RAB38: variants seen among roughly 807,000 people sequenced by gnomAD.
RAB38 encodes RAB38, member RAS oncogene family, also known as ras-related protein Rab-38.
Under a neutral mutation model 18.4 loss-of-function variants are expected in RAB38, and 15 were observed. The observed-to-expected ratio is 0.82, with a 90% CI of 0.55 to 1.26. The LOEUF is 1.26. Ranked by LOEUF, RAB38 falls within the 50% of genes most tolerant of loss-of-function variation. RAB38 has a pLI of 0.00. For missense variants in RAB38, 294 were observed against 267.4 expected (o/e 1.10, Z -0.69); for synonymous variants, 101 against 104.4 (o/e 0.97, Z 0.20).
At chr11:88,119,561 A>G (rs1942603380) in intron 2 of RAB38, among the ~76,000 whole-genome samples, 1 of 152,070 alleles carries the variant, frequency 6.6e-6, no homozygotes, top group African/African-American at 2.4e-5. Context: ...GAAGGCACAT[A>G]CAACTAACCA....
the RAB38 span, among the ~76,000 whole-genome samples, chr11:87,866,820 G>A: frequency 6.6e-6 from 1 of 151,738 alleles, no homozygotes; most frequent in African/African-American, 2.4e-5. Context: ...TCACAGCAAG[G>A]AGCATTCAAC....
At chr11:87,904,741 C>A in the RAB38 span, among the ~76,000 whole-genome samples, 1 of 151,670 alleles carries the variant, frequency 6.6e-6, no homozygotes, top group Admixed American at 6.6e-5. Flanking sequence ...ATGCCAGCAT[C>A]TGTTGTTTTT....
At chr11:88,020,205 C>G in the RAB38 span, among the ~76,000 whole-genome samples, 1 of 152,012 alleles carries the variant, frequency 6.6e-6, no homozygotes, top group Non-Finnish European at 1.5e-5. Context: ...GATCTCTTGT[C>G]TACAAGAAAC....
chr11:88,031,758 T>A, the RAB38 span, among the ~76,000 whole-genome samples: 56 of 152,210 alleles, frequency 3.7e-4, no homozygotes, highest in African/African-American at 1.3e-3. Flanking sequence ...GAACATTCCA[T>A]GCTCAAGGGT....
At chr11:87,873,703 G>GA in the RAB38 span, among the ~76,000 whole-genome samples, 14 of 150,994 alleles carry the variant, frequency 9.3e-5, no homozygotes, top group Non-Finnish European at 1.8e-4. Flanking sequence ...ACCATTTATG[G>GA]AAAAAAATAT....
the RAB38 span, among the ~76,000 whole-genome samples, chr11:87,858,274 G>A: frequency 2.3e-4 from 35 of 152,164 alleles, no homozygotes; most frequent in African/African-American, 6.5e-4. Context: ...CTACAATGCC[G>A]GGTGGAGCTC....
chr11:88,046,414 G>T, the RAB38 span, among the ~76,000 whole-genome samples: 1 of 151,996 alleles, frequency 6.6e-6, no homozygotes, highest in Non-Finnish European at 1.5e-5. Flanking sequence ...TCCACAACCC[G>T]TTATTCTGTT....
At chr11:87,814,765 G>A in the RAB38 span, among the ~76,000 whole-genome samples, 9 of 148,866 alleles carry the variant, frequency 6.0e-5, no homozygotes, top group Non-Finnish European at 8.9e-5. Context: ...ACAGAGTCTC[G>A]CTCTTTCACT....
the RAB38 span, among the ~76,000 whole-genome samples, chr11:88,070,495 G>A: frequency 6.6e-6 from 1 of 152,208 alleles, no homozygotes; most frequent in Non-Finnish European, 1.5e-5. Context: ...TCAGGAAGCA[G>A]AATGAGTCTA....
the RAB38 span, among the ~76,000 whole-genome samples, chr11:87,866,792 G>A: frequency 1.4e-4 from 21 of 151,760 alleles, no homozygotes; most frequent in Non-Finnish European, 2.4e-4. Context: ...ACTTCGACAT[G>A]CCCAGAATGG....
the RAB38 span, among the ~76,000 whole-genome samples, chr11:88,046,659 G>T: frequency 6.6e-6 from 1 of 152,114 alleles, no homozygotes; most frequent in Non-Finnish European, 1.5e-5. Context: ...CCTGCAGATC[G>T]TGTCTGACTG....
chr11:88,081,580 A>G, the RAB38 span, among the ~76,000 whole-genome samples: 2 of 151,892 alleles, frequency 1.3e-5, no homozygotes, highest in African/African-American at 4.8e-5. Context: ...CTTGTGACAC[A>G]TTATTGAATC....
chr11:88,151,871 A>G (rs1407672912), intron 1 of RAB38, among the ~76,000 whole-genome samples: 2 of 152,160 alleles, frequency 1.3e-5, no homozygotes, highest in African/African-American at 4.8e-5. Context: ...ACAAGCAAGT[A>G]TCACTGGAAA....
chr11:87,917,529 GTTTTTTTTTT>G, the RAB38 span, among the ~76,000 whole-genome samples: 2 of 73,242 alleles, frequency 2.7e-5, no homozygotes, highest in South Asian at 6.5e-4. Context: ...TCACTGAAGT[GTTTTTTTTTT>G]TTTTTTTTTT....
the RAB38 span, among the ~76,000 whole-genome samples, chr11:87,904,555 G>A: frequency 1.3e-5 from 2 of 151,578 alleles, no homozygotes; most frequent in Non-Finnish European, 3.0e-5. Flanking sequence ...ATGAATATAT[G>A]AGTGCATGTA....
At chr11:88,120,871 A>G (rs902630727) in intron 2 of RAB38, among the ~76,000 whole-genome samples, 2 of 152,188 alleles carry the variant, frequency 1.3e-5, no homozygotes. Context: ...GCCATGAAAC[A>G]TCTCCAAGCT....
At chr11:87,825,802 C>G in the RAB38 span, among the ~76,000 whole-genome samples, 41 of 152,136 alleles carry the variant, frequency 2.7e-4, 1 homozygote, top group African/African-American at 9.4e-4. Flanking sequence ...GTGATTGACT[C>G]TTTCATGGGA....
At chr11:87,932,738 C>T in the RAB38 span, among the ~76,000 whole-genome samples, 2 of 152,054 alleles carry the variant, frequency 1.3e-5, no homozygotes, top group Non-Finnish European at 2.9e-5. Flanking sequence ...ACAGCTGCAG[C>T]TAGTTGTCCA....
chr11:88,151,060 T>G (rs576949441), intron 1 of RAB38, among the ~76,000 whole-genome samples: 4 of 152,286 alleles, frequency 2.6e-5, no homozygotes, highest in South Asian at 4.1e-4. Flanking sequence ...AGGATAAGGA[T>G]TGGTTTCAGA....
Sources: gnomAD v4.1 joint callset for allele counts (sites outside exome capture counted in the v4.1 genomes callset) on GRCh38, gnomAD v4.1.1 for gene constraint, MANE v1.5 for transcripts, NCBI Gene and HGNC (gene_info 2026-07-23, HGNC 2026-07-21) for gene names.